The following PSG9 variants were observed in gnomAD, a reference collection of about 807,000 sequenced individuals.
The protein encoded by PSG9 is pregnancy-specific beta-1-glycoprotein 9.
PSG9 carries 49 observed loss-of-function variants against 41.9 expected under a neutral mutation model. That is an observed-to-expected ratio of 1.17 (90% CI 0.93 to 1.48). The LOEUF (loss-of-function observed/expected upper bound fraction) is 1.48, where lower values mean the gene tolerates loss of function less well. Among genes scored for constraint, PSG9 ranks in the 40% most tolerant of loss-of-function variants. PSG9 has a pLI of 0.00. For missense variants in PSG9, 641 were observed against 520.3 expected (o/e 1.23, Z -2.26); for synonymous variants, 263 against 196.8 (o/e 1.34, Z -2.82).
chr19:43,258,440 G>T lies in PSG9; in HGVS notation c.1005C>A (p.Pro335=). 2 of 1,578,984 alleles carry T rather than the reference G, an allele frequency of 1.3e-6. No homozygotes were observed. The highest frequency in any genetic ancestry group is 1.4e-5 in the African/African-American group (1 of 70,270). ...AATAGGTGAATGAAGGGTAAATTCT[G>T]GGGAGGTCTGGACCATCTGGAGGAA... is the stretch of plus-strand genomic sequence containing the variant. The part of the protein sequence containing the change: ...ILNVLYGPDL[P]RIYPSFTYYR... The change falls in exon 5 of 6, where the codon CCC becomes CCA. Residue 335 remains proline (P), a synonymous_variant. Transcript: ENST00000270077.
At chr19:43,264,945 C>T (rs1311655617) in intron 2 of PSG9, among the ~76,000 whole-genome samples, 1 of 152,054 alleles carries the variant, frequency 6.6e-6, no homozygotes, top group Non-Finnish European at 1.5e-5. Context: ...TGAAATGAGT[C>T]CATGTGCTTT....
intron 2 of PSG9, among the ~76,000 whole-genome samples, chr19:43,266,039 C>T (rs1968951642): frequency 6.6e-6 from 1 of 151,878 alleles, no homozygotes; most frequent in Non-Finnish European, 1.5e-5. Flanking sequence ...GGGGAAGAAG[C>T]TGTGCAGGAC....
Position 43,256,593 on chromosome 19 carries a change from C to T in PSG9, c.1243+1609G>A, listed in dbSNP as rs899492832. 1.5e-4 allele frequency among the ~76,000 whole-genome samples: 22 copies of T among 146,546 alleles called. 4 individuals carry two copies. Among genetic ancestry groups the T allele is most frequent in the African/African-American group, 5.7e-4 (22 of 38,594 alleles). On this transcript the variant is annotated intron_variant, in intron 5 of 5. Coordinates refer to ENST00000270077, the MANE Select transcript of PSG9 (RefSeq NM_002784.5). ...TCCAATAAGCCCATGCAAAGTTCCT[C>T]AGCATCACGAATACCTGGAGATATG... is the stretch of plus-strand genomic sequence containing the variant.
In PSG9 at chr19:43,259,008, G is replaced by T; in HGVS notation, c.837C>A (p.Ser279Arg). Reference sequence around the variant, plus strand: ...GCTTTACCCCGGGACTGACGGGGAGGCTCTGACCGTTTAGCCACCAAATGT... The same window carrying T: ...GCTTTACCCCGGGACTGACGGGGAGTCTCTGACCGTTTAGCCACCAAATGT... ...YTYIWWLNGQ[S>R]LPVSPGVKRP... The change falls in exon 4 of 6, where the codon AGC becomes AGA. Residue 279 changes from serine to arginine, a missense_variant. Coordinates refer to ENST00000270077, the MANE Select transcript of PSG9 (RefSeq NM_002784.5). 6.3e-7 allele frequency: 1 copy of T among 1,590,760 alleles called. No individual in the cohort carries two copies. The highest frequency in any genetic ancestry group is 1.1e-5 in the South Asian group (1 of 89,866).
intron 2 of PSG9, among the ~76,000 whole-genome samples, chr19:43,265,183 T>C (rs1968909478): frequency 6.6e-6 from 1 of 152,150 alleles, no homozygotes; most frequent in Non-Finnish European, 1.5e-5. Context: ...ACCCTTACTT[T>C]GCCCAGGGAC....
chr19:43,255,735 GA>G lies in PSG9; in HGVS notation c.1244-2090del, dbSNP rs913882751. 4.1e-5 allele frequency among the ~76,000 whole-genome samples: 6 copies of G among 145,748 alleles called. 1 individual carries two copies. The highest frequency in any genetic ancestry group is 7.8e-5 in the African/African-American group (3 of 38,310). ...CATGAACAATCTGAAGGGAAATTAAGAAAAAAATTTCAATTTATATTAACAT... is the reference window on the plus strand; with the variant it reads ...CATGAACAATCTGAAGGGAAATTAAGAAAAAATTTCAATTTATATTAACAT... On this transcript the variant is annotated intron_variant, in intron 5 of 5. Coordinates refer to ENST00000270077, the MANE Select transcript of PSG9 (RefSeq NM_002784.5).
intron 2 of PSG9, among the ~76,000 whole-genome samples, chr19:43,266,661 G>C (rs1968982927): frequency 6.6e-6 from 1 of 152,120 alleles, no homozygotes; most frequent in Non-Finnish European, 1.5e-5. Context: ...CTAATCAGCT[G>C]ACCATTTGCT....
At chr19:43,262,899 T>G (rs375263646) in intron 2 of PSG9, among the ~76,000 whole-genome samples, 7 of 152,286 alleles carry the variant, frequency 4.6e-5, no homozygotes, top group Admixed American at 2.6e-4. Flanking sequence ...CCCTTCCCCC[T>G]GTAGAGGGCA....
chr19:43,265,796 G>A (rs1391490177), intron 2 of PSG9, among the ~76,000 whole-genome samples: 2 of 152,252 alleles, frequency 1.3e-5, no homozygotes, highest in East Asian at 3.9e-4. Context: ...CCATGTTCTT[G>A]TCCACAGGTC....
At chr19:43,265,529 C>A (rs1568419042) in intron 2 of PSG9, among the ~76,000 whole-genome samples, 1 of 152,098 alleles carries the variant, frequency 6.6e-6, no homozygotes, top group African/African-American at 2.4e-5. Context: ...ATTCCATCAC[C>A]AAACAATCAG....
At position 43,258,415 on chromosome 19, in the gene PSG9, A is replaced by T; in HGVS notation, c.1030T>A (p.Tyr344Asn). The T allele has an allele frequency of 6.3e-7, 1 of 1,588,328 alleles. No individual in the cohort carries two copies. Among genetic ancestry groups the T allele is most frequent in the Non-Finnish European group, 8.5e-7 (1 of 1,172,488 alleles). Residue 344 changes from tyrosine to asparagine, a missense_variant, in exon 5 of 6, where the codon TAC becomes AAC. Physicochemically the swap from Tyr to Asn is moderately radical, Grantham distance 143 (BLOSUM62 -2). Transcript: ENST00000270077. ...AAGTCGAGGTTTTCTCCTGAACGGT[A>T]ATAGGTGAATGAAGGGTAAATTCTG... ...LPRIYPSFTY[Y>N]RSGENLDLSC... is the part of the protein sequence containing the mutation.
At chr19:43,264,359 GT>G (rs1367409556) in intron 2 of PSG9, among the ~76,000 whole-genome samples, 9 of 151,942 alleles carry the variant, frequency 5.9e-5, no homozygotes, top group Non-Finnish European at 1.3e-4. Context: ...TCCTTTTTCA[GT>G]TTTGGAAGTT....
In PSG9 at chr19:43,256,704, A is replaced by G. The variant is rs530668408; in HGVS notation, c.1243+1498T>C. ...AACAATGACAACAACACAAAACAAC[A>G]GGTGTTTGCAAGTAGATGGAAAAAT... On this transcript the variant is annotated intron_variant, in intron 5 of 5. Coordinates refer to ENST00000270077, the MANE Select transcript of PSG9 (RefSeq NM_002784.5). Among the ~76,000 whole-genome samples, 2 of 146,744 alleles carry G rather than the reference A, an allele frequency of 1.4e-5. 1 individual carries two copies. Among genetic ancestry groups the G allele is most frequent in the South Asian group, 4.3e-4 (2 of 4,628 alleles).
At chr19:43,261,769 A>G in intron 3 of PSG9, 91 bp downstream of exon 3, 1 of 1,613,364 alleles carries the variant, frequency 6.2e-7, no homozygotes, top group Non-Finnish European at 8.5e-7. Context: ...AGGTCTCTGT[A>G]CTTGGACCTG....
intron 5 of PSG9, chr19:43,257,921 T>C (rs1490090616): frequency 4.9e-6 from 7 of 1,416,374 alleles, no homozygotes; most frequent in Non-Finnish European, 6.4e-6. Context: ...ACTCTCCTTC[T>C]TGTCCCTCTC....
intron 2 of PSG9, among the ~76,000 whole-genome samples, chr19:43,263,146 C>A (rs1164076812): frequency 6.6e-6 from 1 of 152,064 alleles, no homozygotes; most frequent in Non-Finnish European, 1.5e-5. Context: ...CAGTGGATTC[C>A]AGAGTGAATC....
intron 3 of PSG9, chr19:43,259,606 A>T: frequency 6.0e-6 from 1 of 166,006 alleles, no homozygotes. Flanking sequence ...TTGTCCTGAG[A>T]CCCTGAAGAT....
intron 5 of PSG9, among the ~76,000 whole-genome samples, chr19:43,255,819 T>A (rs1474795088): frequency 6.8e-6 from 1 of 146,492 alleles, no homozygotes; most frequent in Non-Finnish European, 1.5e-5. Context: ...TGATTATACC[T>A]GAAATCTACA....
In PSG9 at chr19:43,258,538, C is replaced by T; in HGVS notation, c.989-82G>A. 1.3e-6 allele frequency: 2 copies of T among 1,496,108 alleles called. 1 individual carries two copies. The highest frequency in any genetic ancestry group is 1.8e-6 in the Non-Finnish European group (2 of 1,130,224). The allele number at this position is 1,496,108 out of a possible 1,614,324, so 92.7% of individuals were successfully genotyped here. ...TGGTCTCTTAAAGGGACACAGTGAC[C>T]CTCTGAGCCAAGACACACCCTCAAG... On this transcript the variant is annotated intron_variant, in intron 4 of 5. Coordinates refer to ENST00000270077, the MANE Select transcript of PSG9 (RefSeq NM_002784.5).
Sources: allele counts gnomAD v4.1 joint callset (sites outside exome capture counted in the v4.1 genomes callset), GRCh38; gene constraint gnomAD v4.1.1; transcripts MANE v1.5; gene names NCBI Gene and HGNC (gene_info 2026-07-23, HGNC 2026-07-21).